Variants in SEMA3A observed in about 807,000 individuals in gnomAD.
The protein encoded by SEMA3A is semaphorin 3A, also known as semaphorin-3A.
In SEMA3A, 29 loss-of-function variants were observed where a neutral mutation model predicts 97.9. The observed-to-expected ratio is 0.30, with a 90% CI of 0.22 to 0.40. The LOEUF (loss-of-function observed/expected upper bound fraction) is 0.40, where lower values mean the gene tolerates loss of function less well. Among genes scored for constraint, SEMA3A ranks in the 10% least tolerant of loss-of-function variants. The probability of loss-of-function intolerance (pLI) is 1.00; values close to 1 mark genes in which losing one functional copy is unlikely to be tolerated. For missense variants in SEMA3A, 763 were observed against 951.3 expected (o/e 0.80, Z 2.60); for synonymous variants, 321 against 323.7 (o/e 0.99, Z 0.09).
chr7:84,249,801 T>C (rs1302907031), intron 3 of SEMA3A, among the ~76,000 whole-genome samples: 1 of 151,606 alleles, frequency 6.6e-6, no homozygotes, highest in East Asian at 1.9e-4. Flanking sequence ...AAAAAAATTG[T>C]CAAGTACCTC....
rs1277449582 is a variant in SEMA3A at position 83,981,271 on chromosome 7, C to CAGAT, written c.1652+46_1652+49dup. On this transcript the variant is annotated intron_variant, in intron 14 of 16. Coordinates refer to ENST00000265362, the MANE Select transcript of SEMA3A (RefSeq NM_006080.3). The stretch of plus-strand genomic sequence containing the variant: ...AAGAAAGCTATTTCAAACTTGGAAT[C>CAGAT]AGATAGGATAACTAGCAAACATTTC... 36 of 1,589,274 alleles carry CAGAT rather than the reference C, an allele frequency of 2.3e-5. No homozygotes were observed. The Middle Eastern group carries it at 5.0e-4, about 22-fold the overall frequency.
At chr7:84,067,057 C>T (rs567531582) in intron 4 of SEMA3A, among the ~76,000 whole-genome samples, 2 of 152,266 alleles carry the variant, frequency 1.3e-5, no homozygotes, top group Non-Finnish European at 2.9e-5. Context: ...CAGCATGGTA[C>T]TGCTACCAAA....
At chr7:84,035,255 A>T (rs1791899677) in intron 6 of SEMA3A, among the ~76,000 whole-genome samples, 1 of 152,076 alleles carries the variant, frequency 6.6e-6, no homozygotes, top group African/African-American at 2.4e-5. Context: ...TAGAAAGGCA[A>T]TTTAAAAAAT....
chr7:84,393,599 TC>T (rs1803647888), intron 1 of SEMA3A, among the ~76,000 whole-genome samples: 1 of 152,142 alleles, frequency 6.6e-6, no homozygotes, highest in East Asian at 1.9e-4. Context: ...GTGTTTCTTC[TC>T]CATGATTGTA....
intron 6 of SEMA3A, among the ~76,000 whole-genome samples, chr7:84,018,654 T>A (rs7788378): frequency 6.6e-6 from 1 of 151,968 alleles, no homozygotes; most frequent in East Asian, 1.9e-4. Context: ...CAGAAACATC[T>A]CAGGTGAAGG....
chr7:84,438,112 C>T (rs183316391), intron 1 of SEMA3A, among the ~76,000 whole-genome samples: 2 of 152,006 alleles, frequency 1.3e-5, no homozygotes, highest in East Asian at 3.9e-4. Flanking sequence ...AGGGGGTATG[C>T]TTTATTAATT....
intron 1 of SEMA3A, among the ~76,000 whole-genome samples, chr7:84,433,027 T>C (rs1805025388): frequency 6.6e-6 from 1 of 151,908 alleles, no homozygotes. Flanking sequence ...TGTATAATGG[T>C]TTCCTTCCTC....
intron 3 of SEMA3A, among the ~76,000 whole-genome samples, chr7:84,255,228 C>A (rs1043026355): frequency 2.0e-5 from 3 of 152,162 alleles, no homozygotes; most frequent in African/African-American, 4.8e-5. Flanking sequence ...GCACTGATCA[C>A]AATACAGGCA....
intron 4 of SEMA3A, among the ~76,000 whole-genome samples, chr7:84,062,379 T>C (rs1007679137): frequency 3.3e-5 from 5 of 152,076 alleles, no homozygotes; most frequent in African/African-American, 1.2e-4. Context: ...TACCCAGATA[T>C]ATGTGTATTT....
At chr7:84,452,249 A>T (rs2116367432) in intron 1 of SEMA3A, among the ~76,000 whole-genome samples, 1 of 152,132 alleles carries the variant, frequency 6.6e-6, no homozygotes, top group African/African-American at 2.4e-5. Flanking sequence ...ATTTTAAGGC[A>T]ATATATTTTT....
rs10237431 is a variant in SEMA3A, at chr7:84,449,672, G to A, written c.-246+42788C>T. 8.1e-4 allele frequency among the ~76,000 whole-genome samples: 123 copies of A among 152,158 alleles called. 1 individual carries two copies. Among genetic ancestry groups the A allele is most frequent in the African/African-American group, 2.8e-3 (117 of 41,512 alleles). ...AATAATATACTCAAATATACGTTGA[G>A]TATATTAATAAATATACTCAAATAT... On this transcript the variant is annotated intron_variant, in intron 1 of 3. Transcript: ENST00000424555.
intron 1 of SEMA3A, among the ~76,000 whole-genome samples, chr7:84,176,558 TCCC>T (rs1797574958): frequency 6.6e-6 from 1 of 152,106 alleles, no homozygotes; most frequent in East Asian, 1.9e-4. Flanking sequence ...GGCTTAAAAA[TCCC>T]AAGGATAATA....
intron 2 of SEMA3A, among the ~76,000 whole-genome samples, chr7:84,131,017 T>C (rs963861027): frequency 4.6e-5 from 7 of 151,976 alleles, no homozygotes; most frequent in Non-Finnish European, 1.0e-4. Context: ...CTAAGTAAAA[T>C]ATTTATAAAC....
At chr7:83,981,279 A>T (rs564500996) in intron 14 of SEMA3A, 42 bp downstream of exon 14, 37 of 1,600,652 alleles carry the variant, frequency 2.3e-5, no homozygotes, top group Middle Eastern at 3.3e-4. Context: ...ATCAGATAGG[A>T]TAACTAGCAA....
intron 3 of SEMA3A, among the ~76,000 whole-genome samples, chr7:84,251,479 C>T (rs913983041): frequency 3.9e-5 from 6 of 152,150 alleles, no homozygotes; most frequent in Non-Finnish European, 8.8e-5. Context: ...CTCATTTATT[C>T]TTAAGTGAGG....
At chr7:83,973,810 G>T (rs1004459002) in intron 15 of SEMA3A, among the ~76,000 whole-genome samples, 1 of 151,708 alleles carries the variant, frequency 6.6e-6, no homozygotes, top group African/African-American at 2.4e-5. Context: ...ATTCAATGAT[G>T]GCATTCAACT....
At chr7:84,454,515 A>G (rs556499776) in intron 1 of SEMA3A, among the ~76,000 whole-genome samples, 3 of 152,302 alleles carry the variant, frequency 2.0e-5, no homozygotes, top group African/African-American at 7.2e-5. Flanking sequence ...TTACTAAAAC[A>G]GTAACTTTAA....
intron 3 of SEMA3A, among the ~76,000 whole-genome samples, chr7:84,226,117 T>C (rs1291191368): frequency 6.6e-6 from 1 of 152,104 alleles, no homozygotes; most frequent in Non-Finnish European, 1.5e-5. Flanking sequence ...AGAGAAAAAT[T>C]ATATTTTTCC....
chr7:84,263,417 C>T (rs1174586314), intron 3 of SEMA3A, among the ~76,000 whole-genome samples: 1 of 152,102 alleles, frequency 6.6e-6, no homozygotes, highest in African/African-American at 2.4e-5. Context: ...GCAACAAGAG[C>T]TATGGTATTT....
Sources: gnomAD v4.1 joint callset for allele counts (sites outside exome capture counted in the v4.1 genomes callset) on GRCh38, gnomAD v4.1.1 for gene constraint, MANE v1.5 for transcripts, NCBI Gene and HGNC (gene_info 2026-07-23, HGNC 2026-07-21) for gene names.